The following SORCS2 variants were observed in gnomAD, a reference collection of about 807,000 sequenced individuals.
SORCS2 encodes sortilin related VPS10 domain containing receptor 2, also known as VPS10 domain-containing receptor SorCS2.
In SORCS2, 100 loss-of-function variants were observed where a neutral mutation model predicts 141.6. The ratio of observed to expected loss-of-function variants is 0.71; its 90% CI spans 0.60 to 0.83. SORCS2 has a LOEUF of 0.83. SORCS2 is among the 40% of genes least tolerant of loss of function. The probability of loss-of-function intolerance (pLI) is 0.00; values close to 1 mark genes in which losing one functional copy is unlikely to be tolerated. For missense variants in SORCS2, 1,646 were observed against 1,560.2 expected (o/e 1.05, Z -0.93); for synonymous variants, 789 against 676.9 (o/e 1.17, Z -2.57).
At chr4:7,677,050 G>A (rs923350941) in intron 9 of SORCS2, among the ~76,000 whole-genome samples, 2 of 150,506 alleles carry the variant, frequency 1.3e-5, no homozygotes, top group East Asian at 2.0e-4. Flanking sequence ...TCTCACACTC[G>A]CTTGCTTTCA....
chr4:7,482,409 A>T (rs1302154015), intron 2 of SORCS2, among the ~76,000 whole-genome samples: 70 of 41,546 alleles, frequency 1.7e-3, no homozygotes, highest in African/African-American at 9.6e-3. Flanking sequence ...TACTGTTCAG[A>T]CCTGTATCCC....
At chr4:7,577,866 C>A (rs551547944) in intron 3 of SORCS2, among the ~76,000 whole-genome samples, 1 of 134,144 alleles carries the variant, frequency 7.5e-6, no homozygotes, top group African/African-American at 2.8e-5. Context: ...AGCATATAGG[C>A]GAAGTCAGCT....
intron 2 of SORCS2, chr4:7,432,054 C>T (rs930775510): frequency 2.6e-5 from 4 of 152,448 alleles, no homozygotes; most frequent in African/African-American, 9.7e-5. Flanking sequence ...AGGGGCTCTC[C>T]TGGAGGGGGC....
In SORCS2 at chr4:7,385,848, C is replaced by T. The variant is rs144447145; in HGVS notation, c.481-10440C>T. The stretch of plus-strand genomic sequence containing the variant: ...ATTGGGACCAGATGTCTGAAGTGGC[C>T]CTTGCTGGGGGAGAAAGGAAATGCA... On this transcript the variant is annotated intron_variant, in intron 1 of 26. Coordinates refer to ENST00000507866, the MANE Select transcript of SORCS2 (RefSeq NM_020777.3). 3.1e-3 allele frequency among the ~76,000 whole-genome samples: 466 copies of T among 152,320 alleles called. 2 individuals carry two copies. Among genetic ancestry groups the T allele is most frequent in the African/African-American group, 0.011 (437 of 41,560 alleles).
At chr4:7,393,943 TCAGGTCCTTCTCCTTGATGACTGCC>T (rs1724033833) in intron 1 of SORCS2, among the ~76,000 whole-genome samples, 1 of 151,974 alleles carries the variant, frequency 6.6e-6, no homozygotes, top group African/African-American at 2.4e-5. Context: ...GACTGCCGAG[TCAGGTCCTTCTCCTTGATGACTGCC>T]GAGTCAGGGC....
intron 8 of SORCS2, among the ~76,000 whole-genome samples, chr4:7,671,816 C>G (rs540260516): frequency 2.0e-4 from 31 of 152,176 alleles, no homozygotes; most frequent in African/African-American, 7.5e-4. Flanking sequence ...GCCCAAAACT[C>G]CCCCATCAAT....
chr4:7,731,423 A>G (rs966471207), intron 23 of SORCS2, among the ~76,000 whole-genome samples: 1 of 152,252 alleles, frequency 6.6e-6, no homozygotes, highest in Non-Finnish European at 1.5e-5. Context: ...TGCAAGGTCT[A>G]TCAAAATTTC....
At chr4:7,591,409 C>T (rs746919284) in intron 3 of SORCS2, among the ~76,000 whole-genome samples, 3 of 152,150 alleles carry the variant, frequency 2.0e-5, no homozygotes, top group Non-Finnish European at 4.4e-5. Flanking sequence ...GGTGCTACCC[C>T]CTGCGAGCTC....
At chr4:7,654,619 A>G (rs1721645676) in intron 5 of SORCS2, among the ~76,000 whole-genome samples, 1 of 152,058 alleles carries the variant, frequency 6.6e-6, no homozygotes, top group Non-Finnish European at 1.5e-5. Flanking sequence ...GCCCGACCCC[A>G]GGCCCTGACT....
chr4:7,434,926 G>A (rs1479796226), intron 2 of SORCS2: 8 of 1,476,506 alleles, frequency 5.4e-6, no homozygotes, highest in Admixed American at 2.6e-5. Flanking sequence ...AGTGGCTGCT[G>A]CTATAAACCT....
At chr4:7,616,385 C>T (rs1025559774) in intron 3 of SORCS2, among the ~76,000 whole-genome samples, 1 of 152,112 alleles carries the variant, frequency 6.6e-6, no homozygotes, top group Non-Finnish European at 1.5e-5. Context: ...ATTCACCATC[C>T]ACTCATCCAT....
Position 7,742,592 on chromosome 4 carries a change from G to A in SORCS2, c.*2328G>A, listed in dbSNP as rs754164999. 1 of 152,188 alleles carries A rather than the reference G, an allele frequency of 6.6e-6. No individual in the cohort carries two copies. Among genetic ancestry groups the A allele is most frequent in the South Asian group, 2.1e-4 (1 of 4,824 alleles). 9.4% of individuals were successfully genotyped at this position (152,188 alleles called of 1,614,324 possible). Reference sequence around the variant, plus strand: ...AAGGAGGTGGCATCTGAGACAGCCTGATACGTTCCCGTCTGTGCACCCATG... The same window carrying A: ...AAGGAGGTGGCATCTGAGACAGCCTAATACGTTCCCGTCTGTGCACCCATG... On this transcript the variant is annotated 3_prime_UTR_variant, in exon 27 of 27. Coordinates refer to ENST00000507866, the MANE Select transcript of SORCS2 (RefSeq NM_020777.3).
intron 8 of SORCS2, among the ~76,000 whole-genome samples, chr4:7,675,454 A>C (rs1317324307): frequency 3.3e-5 from 5 of 152,228 alleles, no homozygotes; most frequent in African/African-American, 9.6e-5. Flanking sequence ...TATTGTCCCC[A>C]GACAATGAAG....
chr4:7,407,245 A>G (rs904901277), intron 2 of SORCS2, among the ~76,000 whole-genome samples: 12 of 151,998 alleles, frequency 7.9e-5, no homozygotes, highest in African/African-American at 2.4e-4. Context: ...TGTCTGGGTG[A>G]TCTGTCCATA....
At chr4:7,379,213 A>G (rs1181824984) in intron 1 of SORCS2, among the ~76,000 whole-genome samples, 3 of 152,108 alleles carry the variant, frequency 2.0e-5, no homozygotes, top group African/African-American at 7.2e-5. Context: ...CCTTTCAGAA[A>G]TCGCACCTGT....
At chr4:7,472,707 C>G (rs144861827) in intron 2 of SORCS2, among the ~76,000 whole-genome samples, 2 of 152,150 alleles carry the variant, frequency 1.3e-5, no homozygotes, top group Non-Finnish European at 2.9e-5. Flanking sequence ...TCACATCCCG[C>G]TGGCCCCATC....
At chr4:7,381,232 T>C (rs1162034841) in intron 1 of SORCS2, among the ~76,000 whole-genome samples, 2 of 152,200 alleles carry the variant, frequency 1.3e-5, no homozygotes, top group African/African-American at 4.8e-5. Flanking sequence ...GACATGACAG[T>C]GACTCCTGGC....
At chr4:7,313,886 C>T (rs1445166034) in intron 1 of SORCS2, among the ~76,000 whole-genome samples, 2 of 152,302 alleles carry the variant, frequency 1.3e-5, no homozygotes, top group Non-Finnish European at 2.9e-5. Flanking sequence ...TTCCCTTAGC[C>T]TGGGAGGCCC....
In SORCS2 at chr4:7,286,709, C is replaced by G. The variant is rs1716249935; in HGVS notation, c.480+93583C>G. On this transcript the variant is annotated intron_variant, in intron 1 of 26. Transcript: ENST00000507866. The surrounding 1 kb of genome is among the most constrained non-coding windows in gnomAD (Gnocchi z 4.1). ...GGGCCTCCTGCCTTCTGGCCTGGCACTTTTTCCACAATGCCTCAGAGGTTG... is the reference window on the plus strand; with the variant it reads ...GGGCCTCCTGCCTTCTGGCCTGGCAGTTTTTCCACAATGCCTCAGAGGTTG... 6.6e-6 allele frequency among the ~76,000 whole-genome samples: 1 copy of G among 152,166 alleles called. No homozygotes were observed. Among genetic ancestry groups the G allele is most frequent in the Admixed American group, 6.5e-5 (1 of 15,280 alleles).
Sources: allele counts gnomAD v4.1 joint callset (sites outside exome capture counted in the v4.1 genomes callset), GRCh38; gene constraint gnomAD v4.1.1; non-coding constraint Gnocchi (gnomAD v3.1); transcripts MANE v1.5; gene names NCBI Gene and HGNC (gene_info 2026-07-23, HGNC 2026-07-21).